The following MEIS2 variants were observed in gnomAD, a reference collection of about 807,000 sequenced individuals.
MEIS2 encodes the protein homeobox protein Meis2.
Under a neutral mutation model 58.6 loss-of-function variants are expected in MEIS2, and 9 were observed. That is an observed-to-expected ratio of 0.15 (90% confidence interval 0.09 to 0.27). MEIS2 has a LOEUF of 0.27. Among genes scored for constraint, MEIS2 ranks in the 10% least tolerant of loss-of-function variants. The pLI is 1.00. For synonymous variants in MEIS2, 221 were observed against 228.4 expected, an observed-to-expected ratio of 0.97 and a Z score of 0.29; for missense variants, 427 against 635.0, an observed-to-expected ratio of 0.67 and a Z score of 3.52.
intron 8 of MEIS2, among the ~76,000 whole-genome samples, chr15:37,026,611 G>A (rs1038447823): frequency 6.6e-6 from 1 of 152,156 alleles, no homozygotes; most frequent in African/African-American, 2.4e-5. Context: ...AGGCAAACCA[G>A]ATATCAGCAG....
At chr15:37,093,276 G>A (rs1210976972) in intron 6 of MEIS2, among the ~76,000 whole-genome samples, 1 of 152,134 alleles carries the variant, frequency 6.6e-6, no homozygotes, top group African/African-American at 2.4e-5. Context: ...ACACAGTGGT[G>A]ACTATATCAA....
intron 8 of MEIS2, among the ~76,000 whole-genome samples, chr15:37,013,853 G>C (rs1567181682): frequency 6.6e-6 from 1 of 152,050 alleles, no homozygotes; most frequent in Non-Finnish European, 1.5e-5. Flanking sequence ...TGATATTCCT[G>C]GCTTACTCCT....
chr15:36,940,073 G>A (rs1406283276), intron 9 of MEIS2, among the ~76,000 whole-genome samples: 2 of 152,190 alleles, frequency 1.3e-5, no homozygotes, highest in African/African-American at 2.4e-5. Flanking sequence ...CTAAGTAGGA[G>A]CTACAAGTAC....
intron 8 of MEIS2, among the ~76,000 whole-genome samples, chr15:37,005,598 C>CT (rs1595908746): frequency 2.0e-5 from 3 of 152,194 alleles, no homozygotes; most frequent in Admixed American, 2.0e-4. Context: ...AGGTCTCCCT[C>CT]TGTCAACCAG....
upstream of MEIS2, chr15:37,101,211 C>G (rs1251428757): frequency 6.6e-6 from 1 of 152,160 alleles, no homozygotes; most frequent in Non-Finnish European, 1.5e-5. Context: ...GCGGTGCGGA[C>G]AAGGGGCCAC....
intron 7 of MEIS2, among the ~76,000 whole-genome samples, chr15:37,057,264 C>T (rs932239674): frequency 6.6e-6 from 1 of 152,216 alleles, no homozygotes; most frequent in Non-Finnish European, 1.5e-5. Flanking sequence ...TCTCTCGTGG[C>T]GTCCTTAGTT....
At chr15:37,087,089 C>T (rs933947570) in intron 6 of MEIS2, among the ~76,000 whole-genome samples, 9 of 152,046 alleles carry the variant, frequency 5.9e-5, no homozygotes, top group Non-Finnish European at 1.2e-4. Context: ...CATGTAAAAA[C>T]ACATGATGCA....
intron 9 of MEIS2, chr15:36,898,055 G>A (rs1385933805): frequency 6.6e-6 from 1 of 152,180 alleles, no homozygotes; most frequent in Non-Finnish European, 1.5e-5. Context: ...TTTTGCATAT[G>A]GTGTTTGTTT....
At chr15:37,032,809 A>T (rs1047231659) in intron 8 of MEIS2, among the ~76,000 whole-genome samples, 1 of 152,190 alleles carries the variant, frequency 6.6e-6, no homozygotes, top group South Asian at 2.1e-4. Context: ...AGTTCGAAAC[A>T]AAAAAATTGA....
chr15:37,008,356 A>T (rs951354639), intron 8 of MEIS2, among the ~76,000 whole-genome samples: 2 of 152,246 alleles, frequency 1.3e-5, no homozygotes, highest in African/African-American at 4.8e-5. Context: ...TTTGTTCTCA[A>T]GTTTCACCAA....
chr15:37,055,566 T>C (rs1393343071), intron 7 of MEIS2, among the ~76,000 whole-genome samples: 1 of 152,110 alleles, frequency 6.6e-6, no homozygotes, highest in Non-Finnish European at 1.5e-5. Context: ...CTGTAAGCAG[T>C]AAAATTGATT....
chr15:36,906,144 C>T (rs1284133241), intron 9 of MEIS2, among the ~76,000 whole-genome samples: 1 of 152,088 alleles, frequency 6.6e-6, no homozygotes. Flanking sequence ...CTCCCAGCTT[C>T]GATCTGGAAA....
chr15:37,059,676 C>T (rs775346602), intron 7 of MEIS2, among the ~76,000 whole-genome samples: 1 of 151,062 alleles, frequency 6.6e-6, no homozygotes, highest in South Asian at 2.1e-4. Context: ...ATGGCTTATG[C>T]TTGTGATCCC....
chr15:36,995,993 A>G lies in MEIS2; in HGVS notation c.900+40821T>C, dbSNP rs1426248530. ...TATATATATATATATATATATATATATATATATATGTATATATATATACAT... is the reference window on the plus strand; with the variant it reads ...TATATATATATATATATATATATATGTATATATATGTATATATATATACAT... On this transcript the variant is annotated intron_variant, in intron 8 of 11. Coordinates refer to ENST00000561208, the MANE Select transcript of MEIS2 (RefSeq NM_170675.5). 2.3e-3 allele frequency among the ~76,000 whole-genome samples: 118 copies of G among 51,324 alleles called. 3 individuals carry two copies. The highest frequency in any genetic ancestry group is 0.018 in the Admixed American group (65 of 3,602). 33.7% of individuals were successfully genotyped at this position (51,324 alleles called of 152,430 possible).
At chr15:36,903,001 G>T (rs116533698) in intron 9 of MEIS2, among the ~76,000 whole-genome samples, 3,493 of 152,066 alleles carry the variant, frequency 0.023, 122 homozygotes, top group African/African-American at 0.078. Flanking sequence ...ATACATAAAA[G>T]AATTTTTAAA....
chr15:37,004,964 T>C (rs2060864619), intron 8 of MEIS2, among the ~76,000 whole-genome samples: 1 of 150,936 alleles, frequency 6.6e-6, no homozygotes, highest in African/African-American at 2.4e-5. Context: ...CCCAAATATG[T>C]ACAATTATGA....
intron 9 of MEIS2, among the ~76,000 whole-genome samples, chr15:36,935,794 T>A (rs1448300256): frequency 6.6e-6 from 1 of 150,588 alleles, no homozygotes; most frequent in Non-Finnish European, 1.5e-5. Flanking sequence ...GTATCTCAGT[T>A]TTTTTTTTTA....
chr15:36,905,940 G>A (rs2056711775), intron 9 of MEIS2, among the ~76,000 whole-genome samples: 1 of 152,128 alleles, frequency 6.6e-6, no homozygotes, highest in Non-Finnish European at 1.5e-5. Context: ...CAGTAAATAA[G>A]TGTCATGAAG....
intron 1 of MEIS2, chr15:37,099,176 C>T: frequency 1.5e-6 from 2 of 1,354,252 alleles, no homozygotes; most frequent in Non-Finnish European, 1.9e-6. Flanking sequence ...TGCACACGCA[C>T]ACACACACAC....
Sources: gnomAD v4.1 joint callset for allele counts (sites outside exome capture counted in the v4.1 genomes callset) on GRCh38, gnomAD v4.1.1 for gene constraint, MANE v1.5 for transcripts, NCBI Gene and HGNC (gene_info 2026-07-23, HGNC 2026-07-21) for gene names.